Variants in GULP1 observed in about 807,000 individuals in gnomAD.
The protein encoded by GULP1 is PTB domain-containing engulfment adapter protein 1.
Under a neutral mutation model 40.9 loss-of-function variants are expected in GULP1, and 19 were observed. The ratio of observed to expected loss-of-function variants is 0.46; its 90% CI spans 0.32 to 0.68. The LOEUF (loss-of-function observed/expected upper bound fraction) is 0.68. GULP1 is among the 30% of genes least tolerant of loss of function. The pLI is 0.03. For synonymous variants in GULP1, 119 were observed against 117.6 expected (o/e 1.01, Z -0.08); for missense variants, 312 against 362.2 (o/e 0.86, Z 1.12).
intron 1 of GULP1, among the ~76,000 whole-genome samples, chr2:188,368,454 G>A (rs1407201188): frequency 6.6e-6 from 1 of 151,986 alleles, no homozygotes; most frequent in Non-Finnish European, 1.5e-5. Flanking sequence ...GGTGGCATGC[G>A]CCTGTAGTCC....
chr2:188,548,136 G>A (rs1692465729), intron 7 of GULP1, among the ~76,000 whole-genome samples: 2 of 151,856 alleles, frequency 1.3e-5, no homozygotes, highest in African/African-American at 4.8e-5. Flanking sequence ...ATTGCAGCAA[G>A]ACAAAAAAGC....
chr2:188,429,060 A>T (rs2056557629), intron 2 of GULP1, among the ~76,000 whole-genome samples: 1 of 152,176 alleles, frequency 6.6e-6, no homozygotes, highest in South Asian at 2.1e-4. Context: ...TAGAGGAAAC[A>T]TGACTAAATG....
chr2:188,360,288 A>G (rs183210345), intron 1 of GULP1, among the ~76,000 whole-genome samples: 33 of 152,188 alleles, frequency 2.2e-4, no homozygotes, highest in African/African-American at 7.5e-4. Flanking sequence ...AAGCCTAAAA[A>G]TCTTCAATCA....
chr2:188,419,083 A>G (rs2054994444), intron 2 of GULP1, among the ~76,000 whole-genome samples: 1 of 152,128 alleles, frequency 6.6e-6, no homozygotes, highest in African/African-American at 2.4e-5. Flanking sequence ...TTTTAAACGT[A>G]TATGCCACAT....
intron 1 of GULP1, among the ~76,000 whole-genome samples, chr2:188,326,785 T>C (rs2040821935): frequency 6.6e-6 from 1 of 152,076 alleles, no homozygotes; most frequent in African/African-American, 2.4e-5. Flanking sequence ...CAGTAATGAT[T>C]AGGGCTGACA....
chr2:188,571,816 G>A (rs924598216), intron 9 of GULP1, among the ~76,000 whole-genome samples: 3 of 152,162 alleles, frequency 2.0e-5, no homozygotes, highest in Non-Finnish European at 4.4e-5. Context: ...CTTTTTCAAG[G>A]AGTTTTGATA....
chr2:188,364,367 T>A (rs1426979428), intron 1 of GULP1, among the ~76,000 whole-genome samples: 1 of 152,152 alleles, frequency 6.6e-6, no homozygotes, highest in African/African-American at 2.4e-5. Context: ...AGATTTTTAA[T>A]TCCAAACAGC....
intron 5 of GULP1, among the ~76,000 whole-genome samples, chr2:188,526,669 C>T (rs1311727731): frequency 6.6e-6 from 1 of 152,060 alleles, no homozygotes; most frequent in East Asian, 1.9e-4. Context: ...TAACCTTAGG[C>T]ATGAGAGTTG....
At chr2:188,462,352 A>G (rs1028866100) in intron 2 of GULP1, among the ~76,000 whole-genome samples, 6 of 152,168 alleles carry the variant, frequency 3.9e-5, no homozygotes, top group Admixed American at 1.3e-4. Context: ...CATATGGTCT[A>G]TCCTTAAGAA....
chr2:188,392,867 G>A (rs2050712175), intron 2 of GULP1, among the ~76,000 whole-genome samples: 1 of 151,946 alleles, frequency 6.6e-6, no homozygotes, highest in African/African-American at 2.4e-5. Context: ...GGAGCAGATT[G>A]TTTAATTTCC....
intron 7 of GULP1, among the ~76,000 whole-genome samples, chr2:188,548,873 C>T (rs376791280): frequency 1.5e-5 from 2 of 137,214 alleles, no homozygotes; most frequent in African/African-American, 2.7e-5. Flanking sequence ...ATTTTGTTTT[C>T]AGACAGTGCT....
chr2:188,367,218 G>A (rs1366347351), intron 1 of GULP1, among the ~76,000 whole-genome samples: 1 of 152,152 alleles, frequency 6.6e-6, no homozygotes, highest in Non-Finnish European at 1.5e-5. Context: ...CTGGAATGAT[G>A]TCCCACTGTT....
intron 2 of GULP1, among the ~76,000 whole-genome samples, chr2:188,448,063 C>T (rs2058540442): frequency 6.6e-6 from 1 of 152,106 alleles, no homozygotes; most frequent in Non-Finnish European, 1.5e-5. Flanking sequence ...GTGCCAGGTC[C>T]AAACAAAGGT....
At chr2:188,429,741 C>T (rs756717008) in intron 2 of GULP1, among the ~76,000 whole-genome samples, 1 of 151,830 alleles carries the variant, frequency 6.6e-6, no homozygotes, top group Non-Finnish European at 1.5e-5. Context: ...CGGAGTCTCG[C>T]TCTGTTGCCC....
intron 1 of GULP1, among the ~76,000 whole-genome samples, chr2:188,343,478 A>G (rs2043225509): frequency 6.6e-6 from 1 of 152,228 alleles, no homozygotes; most frequent in African/African-American, 2.4e-5. Context: ...ATCTGATAGC[A>G]TCGTGACTAT....
intron 1 of GULP1, among the ~76,000 whole-genome samples, chr2:188,305,700 CT>C (rs1383139181): frequency 1.3e-5 from 2 of 152,186 alleles, no homozygotes; most frequent in Non-Finnish European, 2.9e-5. Flanking sequence ...CTGCATATTC[CT>C]TTGACTTTTG....
chr2:188,412,274 T>G (rs2053993672), intron 2 of GULP1, among the ~76,000 whole-genome samples: 1 of 152,064 alleles, frequency 6.6e-6, no homozygotes, highest in Non-Finnish European at 1.5e-5. Flanking sequence ...TTCATGAGAA[T>G]AGCAAAAGGT....
At chr2:188,321,168 C>T (rs2039925686) in intron 1 of GULP1, among the ~76,000 whole-genome samples, 1 of 152,130 alleles carries the variant, frequency 6.6e-6, no homozygotes, top group South Asian at 2.1e-4. Flanking sequence ...AAACAATACT[C>T]AACCTTTTTT....
intron 2 of GULP1, among the ~76,000 whole-genome samples, chr2:188,456,681 C>T (rs751912938): frequency 6.6e-6 from 1 of 152,140 alleles, no homozygotes; most frequent in Non-Finnish European, 1.5e-5. Flanking sequence ...ACACAGAGTC[C>T]CTACTGGGGC....
Sources: allele counts gnomAD v4.1 joint callset (sites outside exome capture counted in the v4.1 genomes callset), GRCh38; gene constraint gnomAD v4.1.1; transcripts MANE v1.5; gene names NCBI Gene and HGNC (gene_info 2026-07-23, HGNC 2026-07-21).